The following SEMA4D variants were observed in gnomAD, a reference collection of about 807,000 sequenced individuals.
SEMA4D encodes semaphorin-4D.
SEMA4D carries 22 observed loss-of-function variants against 74.8 expected under a neutral mutation model. That is an observed-to-expected ratio of 0.29 (90% CI 0.21 to 0.42). The LOEUF (loss-of-function observed/expected upper bound fraction) is 0.42, where lower values mean the gene tolerates loss of function less well. Ranked by LOEUF, SEMA4D falls within the 10% of genes least tolerant of loss-of-function variation. SEMA4D has a pLI of 1.00. For missense variants in SEMA4D, 937 were observed against 1,118.4 expected, an observed-to-expected ratio of 0.84 and a Z score of 2.31; for synonymous variants, 445 against 463.7, an observed-to-expected ratio of 0.96 and a Z score of 0.52.
chr9:89,395,359 G>T (rs1840719255), intron 6 of SEMA4D, among the ~76,000 whole-genome samples: 1 of 151,962 alleles, frequency 6.6e-6, no homozygotes, highest in Admixed American at 6.5e-5. Context: ...AGGAGATGGA[G>T]GTTGCAGTGA....
chr9:89,373,711 C>A (rs1416827751), downstream of SEMA4D, among the ~76,000 whole-genome samples: 1 of 152,170 alleles, frequency 6.6e-6, no homozygotes, highest in African/African-American at 2.4e-5. Context: ...CCAAAGCAGC[C>A]CTGCCCTGGG....
chr9:89,439,016 C>G (rs1158259413), intron 2 of SEMA4D, among the ~76,000 whole-genome samples: 2 of 127,224 alleles, frequency 1.6e-5, no homozygotes, highest in Non-Finnish European at 3.2e-5. Context: ...GAGTCTCGCT[C>G]TATCGCCCAG....
At chr9:89,396,340 C>G (rs1041678833) in intron 6 of SEMA4D, among the ~76,000 whole-genome samples, 7 of 152,204 alleles carry the variant, frequency 4.6e-5, no homozygotes, top group African/African-American at 1.7e-4. Flanking sequence ...TCTGTCCTTT[C>G]CAGCACGTCC....
intron 13 of SEMA4D, among the ~76,000 whole-genome samples, chr9:89,383,764 A>G (rs1452788668): frequency 1.3e-5 from 2 of 152,170 alleles, no homozygotes; most frequent in African/African-American, 4.8e-5. Flanking sequence ...AATTATTTCA[A>G]GACAAAATTT....
chr9:89,489,184 C>G (rs1244782400), intron 1 of SEMA4D, among the ~76,000 whole-genome samples: 2 of 152,212 alleles, frequency 1.3e-5, no homozygotes, highest in Non-Finnish European at 2.9e-5. Context: ...TAAAATGATA[C>G]AACTGCTTTG....
chr9:89,461,700 C>CTTTTTTCTCTCTTT (rs1554781760), intron 1 of SEMA4D, among the ~76,000 whole-genome samples: 1 of 103,646 alleles, frequency 9.6e-6, no homozygotes, highest in African/African-American at 3.5e-5. Flanking sequence ...TCTTTTTTCT[C>CTTTTTTCTCTCTTT]TTTTTTTTTT....
chr9:89,380,541 A>C (rs2132702911), intron 15 of SEMA4D, among the ~76,000 whole-genome samples: 1 of 152,352 alleles, frequency 6.6e-6, no homozygotes, highest in East Asian at 1.9e-4. Flanking sequence ...TGTCAGGGTC[A>C]GGAAGACACA....
chr9:89,394,322 G>A (rs575098282), intron 6 of SEMA4D, among the ~76,000 whole-genome samples: 3 of 152,246 alleles, frequency 2.0e-5, no homozygotes, highest in South Asian at 4.2e-4. Flanking sequence ...GAAATAATAC[G>A]GCAAGGTTAA....
Position 89,397,612 on chromosome 9 carries a change from T to C in SEMA4D, c.316-777A>G, listed in dbSNP as rs540991900. On this transcript the variant is annotated intron_variant, in intron 5 of 15. Coordinates refer to ENST00000422704, the MANE Select transcript of SEMA4D (RefSeq NM_001371194.2). ...CCCAGATTAGGAGAGTTCTCTTTTT[T>C]AGACTGGTTGGAAGTAATTCACTAT... Among the ~76,000 whole-genome samples, 3 of 152,370 alleles carry C rather than the reference T, an allele frequency of 2.0e-5. No individual in the cohort carries two copies. The South Asian group carries it at 6.2e-4, about 32-fold the overall frequency.
chr9:89,425,169 A>G (rs2134369291), intron 2 of SEMA4D, among the ~76,000 whole-genome samples: 2 of 152,222 alleles, frequency 1.3e-5, no homozygotes, highest in South Asian at 4.2e-4. Flanking sequence ...ACTGGCCTGC[A>G]TCCACCAGAT....
At position 89,388,888 on chromosome 9, in the gene SEMA4D, G is replaced by A; in HGVS notation, c.934C>T (p.Leu312Phe). The A allele has an allele frequency of 1.2e-6, 2 of 1,614,172 alleles. No homozygotes were observed. The highest frequency in any genetic ancestry group is 1.7e-6 in the Non-Finnish European group (2 of 1,180,032). The part of the protein sequence containing the change: ...PGLKVPVFYA[L>F]FTPQLNNVGL... ...GGCACTTACAGCTGTGGGGTGAAGAGTGCATAGAACACAGGCACCTTCAGG... is the reference window on the plus strand; with the variant it reads ...GGCACTTACAGCTGTGGGGTGAAGAATGCATAGAACACAGGCACCTTCAGG... Residue 312 changes from leucine (L) to phenylalanine (F), a missense_variant, in exon 10 of 16, where the codon CTC becomes TTC. Physicochemically the swap from Leu to Phe is conservative, Grantham distance 22. Coordinates refer to ENST00000422704, the MANE Select transcript of SEMA4D (RefSeq NM_001371194.2).
chr9:89,385,519 G>C, intron 13 of SEMA4D: 1 of 985,386 alleles, frequency 1.0e-6, no homozygotes, highest in Non-Finnish European at 1.2e-6. Flanking sequence ...ACAGATGCCA[G>C]TACCCAGTGG....
Position 89,393,643 on chromosome 9 carries a change from A to G in SEMA4D, c.427T>C (p.Phe143Leu). 6.2e-7 allele frequency: 1 copy of G among 1,611,658 alleles called. No individual in the cohort carries two copies. The highest frequency in any genetic ancestry group is 8.5e-7 in the Non-Finnish European group (1 of 1,177,636). ...TCTTCATTTTTCCCCAGAAACTTAA[A>G]GGATGTTAAGTTCTACAATTGAATA... ...PACDHLNLTS[F>L]KFLGKNEDGK... is the part of the protein sequence containing the mutation. Residue 143 changes from phenylalanine (F) to leucine (L), a missense_variant, in exon 7 of 16, where the codon TTT becomes CTT. Physicochemically the swap from Phe to Leu is conservative, Grantham distance 22 (BLOSUM62 0). Coordinates refer to ENST00000422704, the MANE Select transcript of SEMA4D (RefSeq NM_001371194.2).
At chr9:89,390,041 G>A (rs35547805) in intron 9 of SEMA4D, among the ~76,000 whole-genome samples, 5 of 152,046 alleles carry the variant, frequency 3.3e-5, no homozygotes, top group African/African-American at 7.2e-5. Context: ...GTGTGCCTAA[G>A]ACTTGTAGAA....
chr9:89,430,632 G>T (rs1197907553), intron 2 of SEMA4D, among the ~76,000 whole-genome samples: 4 of 152,230 alleles, frequency 2.6e-5, no homozygotes. Context: ...CCTGCCCAGG[G>T]ATGTTTATCT....
intron 2 of SEMA4D, among the ~76,000 whole-genome samples, chr9:89,433,939 G>A (rs1379436889): frequency 2.0e-5 from 3 of 152,242 alleles, no homozygotes; most frequent in Admixed American, 6.5e-5. Flanking sequence ...TGACATGGAT[G>A]CTATGATGAG....
chr9:89,371,305 G>A (rs1168136927), intron 16 of SEMA4D, among the ~76,000 whole-genome samples: 2 of 143,850 alleles, frequency 1.4e-5, no homozygotes, highest in African/African-American at 2.6e-5. Context: ...TGTGTGTCTG[G>A]GGTGTGGTGT....
intron 1 of SEMA4D, among the ~76,000 whole-genome samples, chr9:89,497,703 G>A (rs1287293437): frequency 1.3e-5 from 2 of 151,278 alleles, no homozygotes; most frequent in Non-Finnish European, 3.0e-5. Context: ...GTGTCTCTGG[G>A]AGGCGTCCCA....
intron 17 of SEMA4D, chr9:89,363,679 C>G: frequency 6.3e-7 from 1 of 1,591,212 alleles, no homozygotes; most frequent in Non-Finnish European, 8.6e-7. Context: ...TTTTTCACTG[C>G]CATTGTAAAT....
Sources: gnomAD v4.1 joint callset for allele counts (sites outside exome capture counted in the v4.1 genomes callset) on GRCh38, gnomAD v4.1.1 for gene constraint, MANE v1.5 for transcripts, NCBI Gene and HGNC (gene_info 2026-07-23, HGNC 2026-07-21) for gene names.